The following CFAP44 variants were observed in gnomAD, a reference collection of about 807,000 sequenced individuals.
CFAP44 encodes cilia- and flagella-associated protein 44.
A neutral mutation model predicts 216.2 loss-of-function variants in CFAP44; 134 were observed. That is an observed-to-expected ratio of 0.62 (90% CI 0.54 to 0.72). CFAP44 has a LOEUF of 0.72. CFAP44 is among the 30% of genes least tolerant of loss of function. The probability of loss-of-function intolerance (pLI) is 0.00; values close to 1 mark genes in which losing one functional copy is unlikely to be tolerated. For synonymous variants in CFAP44, 700 were observed against 727.6 expected (o/e 0.96, Z 0.61); for missense variants, 2,035 against 2,182.1 (o/e 0.93, Z 1.34).
At position 113,344,611 on chromosome 3, in the gene CFAP44, T is replaced by C. The variant is rs1950363986; in HGVS notation, c.3167A>G (p.Lys1056Arg). 1 of 1,537,020 alleles carries C rather than the reference T, an allele frequency of 6.5e-7. No individual in the cohort carries two copies. Among genetic ancestry groups the C allele is most frequent in the African/African-American group, 1.4e-5 (1 of 73,044 alleles). Residue 1056 changes from lysine (K) to arginine (R), a missense_variant, in exon 23 of 35, where the codon AAA becomes AGA. Lys to Arg is a conservative substitution (Grantham distance 26). Coordinates refer to ENST00000393845, the MANE Select transcript of CFAP44 (RefSeq NM_001164496.2). ...YRLVQPSKYSKFKRASQSERK... is the reference protein window; with the variant it reads ...YRLVQPSKYSRFKRASQSERK... ...CTCTGATTGACTAGCTCGTTTGAATTTGGAGTACTTAGAGGGCTGCACCAG... is the reference window on the plus strand; with the variant it reads ...CTCTGATTGACTAGCTCGTTTGAATCTGGAGTACTTAGAGGGCTGCACCAG...
At chr3:113,375,970 TTTAGAA>T (rs1933330984) in intron 17 of CFAP44, among the ~76,000 whole-genome samples, 1 of 152,020 alleles carries the variant, frequency 6.6e-6, no homozygotes, top group Non-Finnish European at 1.5e-5. Context: ...AGAAAATAAA[TTTAGAA>T]TGAGTGCGAC....
At chr3:113,400,771 G>T in intron 11 of CFAP44, 127 bp from the exon 12 acceptor site, 1 of 893,952 alleles carries the variant, frequency 1.1e-6, no homozygotes, top group Non-Finnish European at 1.7e-6. Flanking sequence ...ATAAGAAAAA[G>T]CCTAAAAAGT....
chr3:113,400,490 T>C, intron 12 of CFAP44, 55 bp downstream of exon 12: 1 of 1,423,248 alleles, frequency 7.0e-7, no homozygotes, highest in Non-Finnish European at 9.4e-7. Flanking sequence ...AAAAATTTTA[T>C]TGCAAATAAA....
At chr3:113,377,181 T>C (rs1228563171) in intron 17 of CFAP44, among the ~76,000 whole-genome samples, 1 of 152,180 alleles carries the variant, frequency 6.6e-6, no homozygotes, top group Non-Finnish European at 1.5e-5. Flanking sequence ...AAAGACTTAA[T>C]GTAATAATTT....
At chr3:113,419,844 G>A (rs1934760284) in intron 5 of CFAP44, among the ~76,000 whole-genome samples, 173 bp downstream of exon 5, 1 of 152,204 alleles carries the variant, frequency 6.6e-6, no homozygotes. Flanking sequence ...CAGTGAATGA[G>A]TGTCTGTAAT....
At position 113,391,046 on chromosome 3, in the gene CFAP44, A is replaced by G. The variant is rs150421509; in HGVS notation, c.1890+4704T>C. Among the ~76,000 whole-genome samples the G allele has an allele frequency of 1.9e-3, 291 of 152,246 alleles. 2 individuals carry two copies. Among genetic ancestry groups the G allele is most frequent in the African/African-American group, 5.7e-3 (238 of 41,566 alleles). The stretch of plus-strand genomic sequence containing the variant: ...CTCAGAATAGACAAAGCTATGCTGA[A>G]CAGAAAGAACAAAGCTGGAGAAATC... On this transcript the variant is annotated intron_variant, in intron 15 of 34. Transcript: ENST00000393845.
At chr3:113,413,723 C>A (rs1410911366) in intron 6 of CFAP44, among the ~76,000 whole-genome samples, 1 of 152,146 alleles carries the variant, frequency 6.6e-6, no homozygotes, top group East Asian at 1.9e-4. Flanking sequence ...GTCTATATGT[C>A]TGTTTTGGTA....
chr3:113,377,096 AT>A (rs918668021), intron 17 of CFAP44, among the ~76,000 whole-genome samples: 1 of 152,142 alleles, frequency 6.6e-6, no homozygotes, highest in Non-Finnish European at 1.5e-5. Context: ...ATCTGCTTTT[AT>A]TTTTTTCTGT....
At chr3:113,355,353 T>C (rs1950483946) in intron 22 of CFAP44, among the ~76,000 whole-genome samples, 1 of 152,132 alleles carries the variant, frequency 6.6e-6, no homozygotes, top group African/African-American at 2.4e-5. Context: ...ACCCTGTCTC[T>C]ACTAAAAATA....
At chr3:113,347,563 T>C (rs942380481) in intron 22 of CFAP44, among the ~76,000 whole-genome samples, 6 of 152,206 alleles carry the variant, frequency 3.9e-5, no homozygotes, top group African/African-American at 1.4e-4. Context: ...TGTTCCCTTC[T>C]TTAGGCACCT....
intron 18 of CFAP44, among the ~76,000 whole-genome samples, chr3:113,370,677 G>A (rs905836084): frequency 6.6e-6 from 1 of 152,198 alleles, no homozygotes; most frequent in Non-Finnish European, 1.5e-5. Flanking sequence ...CACAAGACAA[G>A]GATGTGCTCT....
At chr3:113,405,085 C>T (rs1934242161) in intron 8 of CFAP44, among the ~76,000 whole-genome samples, 1 of 152,174 alleles carries the variant, frequency 6.6e-6, no homozygotes, top group African/African-American at 2.4e-5. Context: ...TAAAAATGCA[C>T]TTTGGGAAAC....
intron 4 of CFAP44, chr3:113,425,903 G>A (rs1934947003): frequency 2.1e-6 from 1 of 473,482 alleles, no homozygotes; most frequent in African/African-American, 1.9e-5. Context: ...TGCCTTGTGA[G>A]CCAGATGGTC....
intron 13 of CFAP44, among the ~76,000 whole-genome samples, chr3:113,397,789 G>A (rs766478097): frequency 6.6e-6 from 1 of 152,176 alleles, no homozygotes; most frequent in African/African-American, 2.4e-5. Context: ...CTGGAAGGGA[G>A]CCAGGTGTGT....
intron 34 of CFAP44, among the ~76,000 whole-genome samples, chr3:113,293,572 C>T (rs1353552643): frequency 2.0e-5 from 3 of 152,212 alleles, no homozygotes; most frequent in African/African-American, 7.2e-5. Context: ...TCCAATGTAT[C>T]TGGACTGATC....
chr3:113,375,526 G>C (rs1018886857), intron 17 of CFAP44, among the ~76,000 whole-genome samples: 2 of 152,082 alleles, frequency 1.3e-5, no homozygotes, highest in Non-Finnish European at 2.9e-5. Context: ...ATAAAGTTGG[G>C]GTCCCAGAAC....
intron 34 of CFAP44, 75 bp downstream of exon 34, chr3:113,294,612 T>C: frequency 6.9e-7 from 1 of 1,448,932 alleles, no homozygotes; most frequent in Non-Finnish European, 9.0e-7. Context: ...TGCCAGTACT[T>C]AACATTCTTG....
At chr3:113,305,012 G>C in intron 31 of CFAP44, 24 bp downstream of exon 31, 3 of 1,532,620 alleles carry the variant, frequency 2.0e-6, no homozygotes, top group Non-Finnish European at 2.6e-6. Context: ...GGACAGGATG[G>C]AGCAGCCTCC....
At chr3:113,298,038 T>A (rs1949898732) in intron 32 of CFAP44, among the ~76,000 whole-genome samples, 1 of 152,218 alleles carries the variant, frequency 6.6e-6, no homozygotes. Context: ...AATGAAACGA[T>A]GAATAGATGA....
Sources: gnomAD v4.1 joint callset for allele counts (sites outside exome capture counted in the v4.1 genomes callset) on GRCh38, gnomAD v4.1.1 for gene constraint, MANE v1.5 for transcripts, NCBI Gene and HGNC (gene_info 2026-07-23, HGNC 2026-07-21) for gene names.